PYROXD1: variants seen among roughly 807,000 people sequenced by gnomAD.
PYROXD1 encodes the protein pyridine nucleotide-disulphide oxidoreductase domain 1, also known as tRNA ligase complex-associated NAD(P)H dehydrogenase PYROXD1.
In PYROXD1, 42 loss-of-function variants were observed where a neutral mutation model predicts 62.0. The ratio of observed to expected loss-of-function variants is 0.68; its 90% CI spans 0.53 to 0.88. The LOEUF (loss-of-function observed/expected upper bound fraction) is 0.88, where lower values mean the gene tolerates loss of function less well. Ranked by LOEUF, PYROXD1 falls within the 40% of genes least tolerant of loss-of-function variation. The pLI is 0.00. For synonymous variants in PYROXD1, 170 were observed against 206.4 expected (o/e 0.82, Z 1.51); for missense variants, 493 against 604.8 (o/e 0.82, Z 1.94).
At position 21,467,505 on chromosome 12, in the gene PYROXD1, C is replaced by T. The variant is rs746980401; in HGVS notation, c.1141C>T (p.Gln381Ter). The T allele has an allele frequency of 1.2e-6, 2 of 1,610,410 alleles. No homozygotes were observed. Among genetic ancestry groups the T allele is most frequent in the South Asian group, 2.2e-5 (2 of 90,558 alleles). ...GATGAGGCTGTGGACCCAGGCTAGA[C>T]AGATGGGATGGTATGCAGCAAAGTG... is the stretch of plus-strand genomic sequence containing the variant. ...QQMRLWTQAR[Q>*]MGWYAAKCMA... The change falls in exon 11 of 12, where the codon CAG (glutamine) becomes TAG (stop). Residue 381 changes from glutamine to a stop codon, truncating the protein, a stop_gained. Transcript: ENST00000240651. LOFTEE classifies it high-confidence loss of function.
intron 10 of PYROXD1, among the ~76,000 whole-genome samples, chr12:21,466,155 T>C (rs1281112132): frequency 6.6e-6 from 1 of 151,150 alleles, no homozygotes; most frequent in Non-Finnish European, 1.5e-5. Context: ...TGCGGGCTCT[T>C]TTTTGGTTCC....
Position 21,462,807 on chromosome 12 carries a change from A to G in PYROXD1, c.1061A>G (p.Tyr354Cys), listed in dbSNP as rs752009313. Residue 354 changes from tyrosine (Y) to cysteine (C), a missense_variant, in exon 10 of 12, where the codon TAT becomes TGT. Physicochemically the swap from Tyr to Cys is radical, Grantham distance 194. Transcript: ENST00000240651. ...ATGCACACATCCCTTCCTGATATCT[A>G]TGCTGCCGGTGACATCTGTACTACA... is the stretch of plus-strand genomic sequence containing the variant. ...DHMHTSLPDIYAAGDICTTSW... is the reference protein window; with the variant it reads ...DHMHTSLPDICAAGDICTTSW... 5.6e-6 allele frequency: 9 copies of G among 1,613,916 alleles called. No individual in the cohort carries two copies. In the Admixed American group the frequency reaches 6.7e-5, roughly 12 times the overall value.
intron 3 of PYROXD1, among the ~76,000 whole-genome samples, chr12:21,446,636 T>C (rs1208183357): frequency 2.0e-5 from 3 of 151,938 alleles, no homozygotes; most frequent in Non-Finnish European, 4.4e-5. Flanking sequence ...CAGGAAATTA[T>C]GTACAGGCTC....
rs746952760 is a variant in PYROXD1, at chr12:21,455,176, A to G, written c.533A>G (p.Lys178Arg). ...GCEVIWAIKD[K>R]AIGNTFFDAG... is the part of the protein sequence containing the mutation. ...GAAGTGATTTGGGCCATTAAAGATAAAGCTATAGGGAATACTTTCTTCGAT... is the reference window on the plus strand; with the variant it reads ...GAAGTGATTTGGGCCATTAAAGATAGAGCTATAGGGAATACTTTCTTCGAT... The change falls in exon 6 of 12, where the codon AAA becomes AGA. Residue 178 changes from lysine to arginine, a missense_variant. By Grantham distance (26) the Lys-to-Arg change is conservative (BLOSUM62 2). Transcript: ENST00000240651. 6 of 1,548,996 alleles carry G rather than the reference A, an allele frequency of 3.9e-6. No individual in the cohort carries two copies. The highest frequency in any genetic ancestry group is 5.2e-6 in the Non-Finnish European group (6 of 1,147,626).
chr12:21,443,499 G>C (rs1026567160), intron 2 of PYROXD1, among the ~76,000 whole-genome samples: 1 of 152,058 alleles, frequency 6.6e-6, no homozygotes, highest in African/African-American at 2.4e-5. Flanking sequence ...TAGTATCATA[G>C]AAAAGTCATC....
chr12:21,448,825 A>G (rs992120900), intron 3 of PYROXD1, among the ~76,000 whole-genome samples: 7 of 152,206 alleles, frequency 4.6e-5, no homozygotes, highest in Non-Finnish European at 8.8e-5. Flanking sequence ...AACAAAAGCA[A>G]TATATCTCTG....
In PYROXD1 at chr12:21,468,866, G is replaced by C; in HGVS notation, c.*112G>C. 1 of 968,442 alleles carries C rather than the reference G, an allele frequency of 1.0e-6. No homozygotes were observed. Among genetic ancestry groups the C allele is most frequent in the Non-Finnish European group, 1.5e-6 (1 of 664,202 alleles). 60.0% of individuals were successfully genotyped at this position (968,442 alleles called of 1,614,324 possible). On this transcript the variant is annotated 3_prime_UTR_variant, in exon 12 of 12. Coordinates refer to ENST00000240651, the MANE Select transcript of PYROXD1 (RefSeq NM_024854.5). Reference sequence around the variant, plus strand: ...AATGATGACCACACTGAAAATTACAGAAGTGATAATGATATTAGTGGAAAA... The same window carrying C: ...AATGATGACCACACTGAAAATTACACAAGTGATAATGATATTAGTGGAAAA...
At chr12:21,456,138 T>A in intron 7 of PYROXD1, 43 bp downstream of exon 7, 1 of 1,211,342 alleles carries the variant, frequency 8.3e-7, no homozygotes, top group South Asian at 1.3e-5. Context: ...AATGTAATTT[T>A]AAATTCTTGA....
rs911911426 is a variant in PYROXD1 at position 21,454,179 on chromosome 12, C to T, written c.489-953C>T. Among the ~76,000 whole-genome samples the T allele has an allele frequency of 2.6e-5, 4 of 151,840 alleles. No homozygotes were observed. The East Asian group carries it at 5.8e-4, about 22-fold the overall frequency. ...TGTTTATTGATTAGTCTTGAAAAGT[C>T]GTGTAACCTATGTTATATCAGTCTG... On this transcript the variant is annotated intron_variant, in intron 5 of 11. Coordinates refer to ENST00000240651, the MANE Select transcript of PYROXD1 (RefSeq NM_024854.5).
chr12:21,438,200 G>A (rs1396794514), intron 1 of PYROXD1: 1 of 171,430 alleles, frequency 5.8e-6, no homozygotes, highest in African/African-American at 2.4e-5. Flanking sequence ...GAGGGCAGTG[G>A]TGCGATCTTG....
chr12:21,463,317 A>G (rs1209976918), intron 10 of PYROXD1, among the ~76,000 whole-genome samples: 4 of 152,174 alleles, frequency 2.6e-5, no homozygotes, highest in Admixed American at 2.6e-4. Flanking sequence ...TTTAGATTAA[A>G]AAAACTACTA....
intron 4 of PYROXD1, among the ~76,000 whole-genome samples, chr12:21,450,035 T>C (rs1942464881): frequency 6.6e-6 from 1 of 151,324 alleles, no homozygotes; most frequent in Admixed American, 6.6e-5. Context: ...TTTTTTTTTT[T>C]TTTTTTTGTA....
chr12:21,455,447 A>G (rs913598242), intron 6 of PYROXD1, among the ~76,000 whole-genome samples, 155 bp downstream of exon 6: 2 of 131,532 alleles, frequency 1.5e-5, no homozygotes, highest in Admixed American at 8.1e-5. Flanking sequence ...TCTATTTTAT[A>G]TATATGTATG....
In PYROXD1 at chr12:21,470,788, A is replaced by C; in HGVS notation, c.*2034A>C. 1 of 425,072 alleles carries C rather than the reference A, an allele frequency of 2.4e-6. No individual in the cohort carries two copies. Among genetic ancestry groups the C allele is most frequent in the Non-Finnish European group, 3.9e-6 (1 of 256,080 alleles). The allele number at this position is 425,072 out of a possible 1,614,324, so 26.3% of individuals were successfully genotyped here. A position where few individuals can be genotyped will look rare whatever the true frequency, so the allele number is the denominator to read the frequency against. ...TAGTTTATGTTAAAAGGCCAGTCTA[A>C]ATTCTTTCACTTACATCTTTACAGA... On this transcript the variant is annotated 3_prime_UTR_variant, in exon 12 of 12. Coordinates refer to ENST00000240651, the MANE Select transcript of PYROXD1 (RefSeq NM_024854.5).
chr12:21,457,896 C>T (rs753732870), intron 7 of PYROXD1, among the ~76,000 whole-genome samples: 5 of 145,026 alleles, frequency 3.4e-5, no homozygotes, highest in African/African-American at 5.1e-5. Context: ...AGGCCCAAAC[C>T]ATATAATGCT....
At chr12:21,440,334 G>T in intron 1 of PYROXD1, 34 bp from the exon 2 acceptor site, 3 of 1,252,604 alleles carry the variant, frequency 2.4e-6, no homozygotes, top group South Asian at 2.6e-5. Flanking sequence ...AAAGTAATTT[G>T]TCCTAATTTT....
rs1942502062 is a variant in PYROXD1, at chr12:21,451,682, C to CTGCTGAGCTTCTCA, written c.415-398_415-397insGCTGAGCTTCTCAT. 5.3e-5 allele frequency among the ~76,000 whole-genome samples: 8 copies of CTGCTGAGCTTCTCA among 151,318 alleles called. No individual in the cohort carries two copies. In the South Asian group the frequency reaches 1.7e-3, roughly 31 times the overall value. ...TGCTCTTAACCACTATGCTGCTGAG[C>CTGCTGAGCTTCTCA]TTCTCATTCCTAGAAGTTTTAAGTG... On this transcript the variant is annotated intron_variant, in intron 4 of 11. Coordinates refer to ENST00000240651, the MANE Select transcript of PYROXD1 (RefSeq NM_024854.5).
At chr12:21,459,477 C>T (rs1485546376) in intron 7 of PYROXD1, among the ~76,000 whole-genome samples, 1 of 152,194 alleles carries the variant, frequency 6.6e-6, no homozygotes, top group Non-Finnish European at 1.5e-5. Flanking sequence ...AGTGTTTCCC[C>T]AAATTCTGTG....
At position 21,467,317 on chromosome 12, in the gene PYROXD1, C is replaced by T. The variant is rs79913232; in HGVS notation, c.1117-164C>T. ...GTAATTTAGATAGAATTAACAAATA[C>T]CAAAAATCAGTCTGATTAGTTATCC... On this transcript the variant is annotated intron_variant, in intron 10 of 11. Coordinates refer to ENST00000240651, the MANE Select transcript of PYROXD1 (RefSeq NM_024854.5). 4.1e-5 allele frequency: 22 copies of T among 535,346 alleles called. No homozygotes were observed. The East Asian group carries it at 5.4e-4, about 13-fold the overall frequency. 33.2% of individuals were successfully genotyped at this position (535,346 alleles called of 1,614,324 possible). A position where few individuals can be genotyped will look rare whatever the true frequency, so the allele number is the denominator to read the frequency against.
Sources: gnomAD v4.1 joint callset for allele counts (sites outside exome capture counted in the v4.1 genomes callset) on GRCh38, gnomAD v4.1.1 for gene constraint, MANE v1.5 for transcripts, NCBI Gene and HGNC (gene_info 2026-07-23, HGNC 2026-07-21) for gene names.